Variants in DVL2 observed in about 807,000 individuals in gnomAD.
The protein encoded by DVL2 is dishevelled segment polarity protein 2, also known as segment polarity protein dishevelled homolog DVL-2.
Under a neutral mutation model 69.8 loss-of-function variants are expected in DVL2, and 38 were observed. The observed-to-expected ratio is 0.54, with a 90% CI of 0.42 to 0.71. The LOEUF is 0.71. Ranked by LOEUF, DVL2 falls within the 30% of genes least tolerant of loss-of-function variation. The probability of loss-of-function intolerance (pLI) is 0.00; values close to 1 mark genes in which losing one functional copy is unlikely to be tolerated. For missense variants in DVL2, 931 were observed against 1,008.1 expected, an observed-to-expected ratio of 0.92 and a Z score of 1.04; for synonymous variants, 428 against 392.4, an observed-to-expected ratio of 1.09 and a Z score of -1.07.
rs1408686483 is a variant in DVL2, at chr17:7,230,379, G to C, written c.316C>G (p.Pro106Ala). 1.9e-6 allele frequency: 3 copies of C among 1,614,176 alleles called. No individual in the cohort carries two copies. The highest frequency in any genetic ancestry group is 3.3e-5 in the Admixed American group (2 of 60,022). The change falls in exon 3 of 15, where the codon CCT (proline) becomes GCT (alanine). Residue 106 changes from proline (P) to alanine (A), a missense_variant. Physicochemically the swap from Pro to Ala is conservative, Grantham distance 27. Around this residue, in one of 3 missense-constraint regions of DVL2, gnomAD observed 555 missense variants for 588.8 expected, o/e 0.94. Transcript: ENST00000005340. ...GCTGGAGGCGCCAGTTCTGCCCGAG[G>C]CTCATGGACTGGAGGGGCCATCTCG... is the stretch of plus-strand genomic sequence containing the variant. ...QPEMAPPVHE[P>A]RAELAPPAPP...
In DVL2 at chr17:7,234,194, T is replaced by C. The variant is rs762087471; in HGVS notation, c.69A>G (p.Glu23=). Residue 23 remains glutamate (E), a synonymous_variant, in exon 1 of 15, where the codon GAA becomes GAG. Transcript: ENST00000005340. ...ETKVIYHLDE[E]ETPYLVKIPV... ...GGATCTTCACCAGGTAGGGAGTCTC[T>C]TCCTCATCCAGGTGGTAAATCACCT... 2.5e-6 allele frequency: 4 copies of C among 1,613,964 alleles called. No homozygotes were observed. The highest frequency in any genetic ancestry group is 2.7e-5 in the African/African-American group (2 of 74,898).
At chr17:7,231,913 T>A (rs1030145267) in intron 1 of DVL2, among the ~76,000 whole-genome samples, 1 of 148,506 alleles carries the variant, frequency 6.7e-6, no homozygotes, top group African/African-American at 2.5e-5. Context: ...ACAATGGAAG[T>A]TCCTCATTAG....
chr17:7,226,381 C>T (rs773513204), intron 14 of DVL2, 40 bp downstream of exon 14: 2 of 1,530,680 alleles, frequency 1.3e-6, no homozygotes, highest in East Asian at 4.5e-5. Flanking sequence ...TCTCATCCAC[C>T]CTCAGATCCT....
chr17:7,225,903 T>G lies in DVL2; in HGVS notation c.2173A>C (p.Met725Leu). The G allele has an allele frequency of 6.8e-6, 11 of 1,613,960 alleles. No homozygotes were observed. Among genetic ancestry groups the G allele is most frequent in the Non-Finnish European group, 9.3e-6 (11 of 1,180,040 alleles). The change falls in exon 15 of 15, where the codon ATG becomes CTG. Residue 725 changes from methionine (M) to leucine (L), a missense_variant. Coordinates refer to ENST00000005340, the MANE Select transcript of DVL2 (RefSeq NM_004422.3). ...ACAAAGAACTCGCTGGGATTGCCCA[T>G]GGCCATGTGGAAGCTTTGGCGGCTG... ...TASRQSFHMA[M>L]GNPSEFFVDV...
rs373299689 is a variant in DVL2 at position 7,225,889 on chromosome 17, G to C, written c.2187C>G (p.Ser729Arg). 6.2e-7 allele frequency: 1 copy of C among 1,613,782 alleles called. No individual in the cohort carries two copies. Among genetic ancestry groups the C allele is most frequent in the Non-Finnish European group, 8.5e-7 (1 of 1,180,028 alleles). The change falls in exon 15 of 15, where the codon AGC becomes AGG. Residue 729 changes from serine (S) to arginine (R), a missense_variant. Around this residue, in one of 3 missense-constraint regions of DVL2, gnomAD observed 314 missense variants for 313.7 expected, o/e 1.00. Transcript: ENST00000005340. ...QSFHMAMGNP[S>R]EFFVDVM ...GCTACATAACATCCACAAAGAACTC[G>C]CTGGGATTGCCCATGGCCATGTGGA...
chr17:7,230,678 G>A (rs750631551), intron 2 of DVL2, 50 bp downstream of exon 2: 7 of 1,554,534 alleles, frequency 4.5e-6, no homozygotes, highest in Non-Finnish European at 6.2e-6. Context: ...AGGCTTGAGG[G>A]AGCTTGGCAA....
chr17:7,229,468 A>G lies in DVL2; in HGVS notation c.748-21T>C, dbSNP rs2071507987. The G allele has an allele frequency of 6.2e-7, 1 of 1,613,946 alleles. No individual in the cohort carries two copies. On this transcript the variant is annotated intron_variant, in intron 6 of 14. Transcript: ENST00000005340. The surrounding 1 kb of genome is among the most constrained non-coding windows in gnomAD (Gnocchi z 4.4). The stretch of plus-strand genomic sequence containing the variant: ...GACGTCTGTGGTGGGAAAAGGAGCC[A>G]GAGTGCCCTTCAATAACCCAGGGTC...
At chr17:7,228,294 A>C in intron 9 of DVL2, 1 of 342,246 alleles carries the variant, frequency 2.9e-6, no homozygotes, top group South Asian at 6.4e-5. Flanking sequence ...CAGAAAGTCC[A>C]AAAACAGGTA....
Position 7,234,323 on chromosome 17 carries a change from C to G in DVL2, c.-61G>C. 1 of 1,550,656 alleles carries G rather than the reference C, an allele frequency of 6.4e-7. No homozygotes were observed. Among genetic ancestry groups the G allele is most frequent in the Non-Finnish European group, 8.7e-7 (1 of 1,144,790 alleles). ...CCCAAAGGGCTAATGGCCCCTGCCG[C>G]GCCTGCGCACACCCGCAAACCGACG... On this transcript the variant is annotated 5_prime_UTR_variant, in exon 1 of 15. Coordinates refer to ENST00000005340, the MANE Select transcript of DVL2 (RefSeq NM_004422.3).
Position 7,230,063 on chromosome 17 carries a change from T to C in DVL2, c.503A>G (p.Asp168Gly). Residue 168 changes from aspartate to glycine, a missense_variant, in exon 4 of 15, where the codon GAC becomes GGC. Coordinates refer to ENST00000005340, the MANE Select transcript of DVL2 (RefSeq NM_004422.3). ...SLRRERPRRRDSSEHGAGGHR... is the reference protein window; with the variant it reads ...SLRRERPRRRGSSEHGAGGHR... ...CCCCTCACCGCCATGCTCACTGCTG[T>C]CTCTCCTGCGAGGCCGCTCCCGCCT... The C allele has an allele frequency of 6.2e-7, 1 of 1,614,068 alleles. No homozygotes were observed.
rs1412139842 is a variant in DVL2, at chr17:7,225,869, A to G, written c.2207T>C (p.Met736Thr). Residue 736 changes from methionine (M) to threonine (T), a missense_variant, in exon 15 of 15, where the codon ATG becomes ACG. Met to Thr is a moderately conservative substitution (Grantham distance 81). Around this residue, in one of 3 missense-constraint regions of DVL2, gnomAD observed 314 missense variants for 313.7 expected, o/e 1.00. Coordinates refer to ENST00000005340, the MANE Select transcript of DVL2 (RefSeq NM_004422.3). ...GNPSEFFVDV[M>T] Reference sequence around the variant, plus strand: ...CCAGCCTGGCCCCACAGTGGGCTACATAACATCCACAAAGAACTCGCTGGG... The same window carrying G: ...CCAGCCTGGCCCCACAGTGGGCTACGTAACATCCACAAAGAACTCGCTGGG... 6.2e-7 allele frequency: 1 copy of G among 1,613,724 alleles called. No individual in the cohort carries two copies. Among genetic ancestry groups the G allele is most frequent in the South Asian group, 1.1e-5 (1 of 91,086 alleles).
chr17:7,226,239 C>A lies in DVL2; in HGVS notation c.1837G>T (p.Glu613Ter), dbSNP rs760883380. ...TCACTGCCACTGCCGGACTTGGACT[C>A]GGGGGCCCGCTCCTCGGGCCTCCCC... The part of the protein sequence containing the change: ...RTGRPEERAP[E>*]SKSGSGSESE... The change falls in exon 15 of 15, where the codon GAG becomes TAG. Residue 613 changes from glutamate to a stop codon, truncating the protein, a stop_gained. Coordinates refer to ENST00000005340, the MANE Select transcript of DVL2 (RefSeq NM_004422.3). LOFTEE classifies it high-confidence loss of function. The A allele has an allele frequency of 6.2e-7, 1 of 1,611,682 alleles. No individual in the cohort carries two copies. The highest frequency in any genetic ancestry group is 1.7e-5 in the Admixed American group (1 of 59,940).
rs760443700 is a variant in DVL2, at chr17:7,228,040, T to C, written c.1039A>G (p.Ile347Val). 9.8e-6 allele frequency: 15 copies of C among 1,535,700 alleles called. No individual in the cohort carries two copies. Among genetic ancestry groups the C allele is most frequent in the Non-Finnish European group, 1.3e-5 (15 of 1,143,878 alleles). ...CAGCACTTGGCCACAGTCAGCACAA[T>C]GGGGCTATGGGGAAGAGAAGTCCAG... ...LRDIVHKPGPIVLTVAKCWDP... is the reference protein window; with the variant it reads ...LRDIVHKPGPVVLTVAKCWDP... Residue 347 changes from isoleucine (I) to valine (V), a missense_variant, in exon 10 of 15, where the codon ATT becomes GTT. Ile to Val is a conservative substitution (Grantham distance 29). Transcript: ENST00000005340.
chr17:7,228,977 G>A lies in DVL2; in HGVS notation c.1026C>T (p.His342=). ...DAVRVLRDIV[H]KPGPIVLTVA... is the part of the protein sequence containing the mutation. ...CCTGCTTGGCAACTCACCCAGGCTTGTGCACAATGTCCCTCAGCACCCGCA... is the reference window on the plus strand; with the variant it reads ...CCTGCTTGGCAACTCACCCAGGCTTATGCACAATGTCCCTCAGCACCCGCA... Residue 342 remains histidine, a synonymous_variant, in exon 9 of 15, where the codon CAC becomes CAT. Coordinates refer to ENST00000005340, the MANE Select transcript of DVL2 (RefSeq NM_004422.3). 6.2e-7 allele frequency: 1 copy of A among 1,614,128 alleles called. No homozygotes were observed. The highest frequency in any genetic ancestry group is 8.5e-7 in the Non-Finnish European group (1 of 1,180,004).
chr17:7,228,268 T>C (rs934659938), intron 9 of DVL2: 4 of 431,738 alleles, frequency 9.3e-6, no homozygotes, highest in Non-Finnish European at 1.7e-5. Flanking sequence ...GAGTACACGC[T>C]GTACAGTTCC....
Position 7,234,344 on chromosome 17 carries a change from C to T in DVL2, c.-82G>A, listed in dbSNP as rs2071601272. Reference sequence around the variant, plus strand: ...GCCGCGCCTGCGCACACCCGCAAACCGACGCGCGAGCGCGGACAGGACTGA... The same window carrying T: ...GCCGCGCCTGCGCACACCCGCAAACTGACGCGCGAGCGCGGACAGGACTGA... On this transcript the variant is annotated 5_prime_UTR_variant, in exon 1 of 15. Coordinates refer to ENST00000005340, the MANE Select transcript of DVL2 (RefSeq NM_004422.3). 14 of 1,495,536 alleles carry T rather than the reference C, an allele frequency of 9.4e-6. No homozygotes were observed. Among genetic ancestry groups the T allele is most frequent in the Non-Finnish European group, 1.2e-5 (13 of 1,105,272 alleles). 92.6% of individuals were successfully genotyped at this position (1,495,536 alleles called of 1,614,324 possible).
Position 7,226,451 on chromosome 17 carries a change from C to T in DVL2, c.1732G>A (p.Gly578Arg), listed in dbSNP as rs778747234. 7 of 1,547,098 alleles carry T rather than the reference C, an allele frequency of 4.5e-6. No homozygotes were observed. Among genetic ancestry groups the T allele is most frequent in the Middle Eastern group, 1.7e-4 (1 of 5,740 alleles). The change falls in exon 14 of 15, where the codon GGG (glycine) becomes AGG (arginine). Residue 578 changes from glycine to arginine, a missense_variant. Gly to Arg is a moderately radical substitution (Grantham distance 125). This residue lies in a region of DVL2 where 314 missense variants were observed against 313.7 expected (regional missense o/e 1.00). Coordinates refer to ENST00000005340, the MANE Select transcript of DVL2 (RefSeq NM_004422.3). ...CTATGCTGGCTGCTGGCACTGCCCC[C>T]ACCATAGGTGTAAGATGAAAGCTCA... ...YHELSSYTYG[G>R]GSASSQHSEG...
intron 1 of DVL2, among the ~76,000 whole-genome samples, chr17:7,231,471 C>T (rs1014700212): frequency 4.9e-5 from 7 of 142,314 alleles, no homozygotes; most frequent in Admixed American, 2.8e-4. Flanking sequence ...AAAAAACCTT[C>T]CAAAAAAGGC....
chr17:7,232,880 A>G (rs1317682918), intron 1 of DVL2, among the ~76,000 whole-genome samples: 1 of 151,894 alleles, frequency 6.6e-6, no homozygotes, highest in Non-Finnish European at 1.5e-5. Context: ...ACGAGGTCAG[A>G]AGTCAGAGAC....
Sources: allele counts gnomAD v4.1 joint callset (sites outside exome capture counted in the v4.1 genomes callset), GRCh38; gene constraint gnomAD v4.1.1; regional missense constraint gnomAD v4.1.1; non-coding constraint Gnocchi (gnomAD v3.1); transcripts MANE v1.5; gene names NCBI Gene and HGNC (gene_info 2026-07-23, HGNC 2026-07-21).